The following MXD3 variants were observed in gnomAD, a reference collection of about 807,000 sequenced individuals.
MXD3 encodes the protein Max-associated protein 3.
MXD3 carries 20 observed loss-of-function variants against 27.5 expected under a neutral mutation model. The observed-to-expected ratio is 0.73, with a 90% CI of 0.51 to 1.06. The LOEUF is 1.06. MXD3 is among the 50% of genes least tolerant of loss of function. The pLI is 0.00. For missense variants in MXD3, 298 were observed against 291.3 expected (o/e 1.02, Z -0.17); for synonymous variants, 150 against 130.7 (o/e 1.15, Z -1.01).
downstream of MXD3, chr5:177,306,474 G>A (rs1347069451): frequency 6.8e-6 from 11 of 1,613,918 alleles, no homozygotes; most frequent in African/African-American, 1.3e-5. Flanking sequence ...CCAAGGAGAA[G>A]GCAAAGGAGA....
chr5:177,311,214 G>C, intron 2 of MXD3, 165 bp downstream of exon 2: 3 of 521,514 alleles, frequency 5.8e-6, no homozygotes, highest in South Asian at 5.8e-5. Context: ...TGAATAGAAA[G>C]GTGTGAGTGT....
intron 2 of MXD3, 124 bp downstream of exon 2, chr5:177,311,255 T>G: frequency 1.8e-6 from 1 of 570,688 alleles, no homozygotes; most frequent in Non-Finnish European, 3.0e-6. Context: ...GCAGGAGGGG[T>G]CTGAACGCTT....
Position 177,307,680 on chromosome 5 carries a change from T to C in MXD3, c.529A>G (p.Ser177Gly), listed in dbSNP as rs776334972. The change falls in exon 6 of 6, where the codon AGC becomes GGC. Residue 177 changes from serine to glycine, a missense_variant. Coordinates refer to ENST00000439742, the MANE Select transcript of MXD3 (RefSeq NM_031300.4). ...DQEELEVDVE[S>G]LVFGGEAELL... ...TCGGCCTCACCCCCAAACACCAGGC[T>C]CTCCACATCCACCTCCAGCTCCTCT... 8 of 1,613,588 alleles carry C rather than the reference T, an allele frequency of 5.0e-6. No homozygotes were observed. Among genetic ancestry groups the C allele is most frequent in the Admixed American group, 1.7e-5 (1 of 60,022 alleles).
chr5:177,311,238 G>T, intron 2 of MXD3, 141 bp downstream of exon 2: 2 of 536,574 alleles, frequency 3.7e-6, no homozygotes, highest in Non-Finnish European at 3.3e-6. Flanking sequence ...TGGAGAGTGG[G>T]GAGATGGCAG....
Position 177,307,574 on chromosome 5 carries a change from C to T in MXD3, c.*14G>A, listed in dbSNP as rs1760915683. 1 of 1,611,454 alleles carries T rather than the reference C, an allele frequency of 6.2e-7. No individual in the cohort carries two copies. The highest frequency in any genetic ancestry group is 1.7e-5 in the Admixed American group (1 of 59,930). On this transcript the variant is annotated 3_prime_UTR_variant, in exon 6 of 6. Transcript: ENST00000439742. ...CACGAGTAGAGGGCAGAGGCCCGCCCTGGGTGAGGAACATCATAGCCAGGC... is the reference window on the plus strand; with the variant it reads ...CACGAGTAGAGGGCAGAGGCCCGCCTTGGGTGAGGAACATCATAGCCAGGC...
Position 177,307,648 on chromosome 5 carries a change from C to T in MXD3, c.561G>A (p.Leu187=). ...GCTCCTGGCCGGCGACGAAGCCCCGCAGCAGCTCGGCCTCACCCCCAAACA... is the reference window on the plus strand; with the variant it reads ...GCTCCTGGCCGGCGACGAAGCCCCGTAGCAGCTCGGCCTCACCCCCAAACA... The part of the protein sequence containing the change: ...SLVFGGEAEL[L]RGFVAGQEHS... The change falls in exon 6 of 6, where the codon CTG becomes CTA. Residue 187 remains leucine (L), a synonymous_variant. Coordinates refer to ENST00000439742, the MANE Select transcript of MXD3 (RefSeq NM_031300.4). 1.2e-6 allele frequency: 2 copies of T among 1,613,518 alleles called. No individual in the cohort carries two copies. The highest frequency in any genetic ancestry group is 2.2e-5 in the South Asian group (2 of 91,086).
rs911384747 is a variant in MXD3, at chr5:177,307,868, G to A, written c.418C>T (p.Leu140=). 6.2e-7 allele frequency: 1 copy of A among 1,608,694 alleles called. No homozygotes were observed. Among genetic ancestry groups the A allele is most frequent in the Non-Finnish European group, 8.5e-7 (1 of 1,178,274 alleles). ...LQRQLEQLRG[L]AGAAERERLR... ...CGCTCCCGCTCGGCCGCCCCTGCCA[G>A]CCCCCGGAGCTGCTCCAGCTGCCGC... Residue 140 remains leucine, a synonymous_variant, in exon 5 of 6, where the codon CTG becomes TTG. Transcript: ENST00000439742.
chr5:177,311,525 A>G, intron 1 of MXD3, 41 bp from the exon 2 acceptor site: 1 of 1,373,582 alleles, frequency 7.3e-7, no homozygotes, highest in South Asian at 1.6e-5. Context: ...CTGGGGCTGG[A>G]CCTGGTCCCA....
At chr5:177,310,584 C>G (rs201511869) in intron 3 of MXD3, 44 bp from the exon 4 acceptor site, 2 of 1,612,120 alleles carry the variant, frequency 1.2e-6, no homozygotes, top group East Asian at 4.5e-5. Context: ...CCCACCTTGC[C>G]GGCCACAGGA....
chr5:177,306,302 GA>G, downstream of MXD3: 1 of 1,567,838 alleles, frequency 6.4e-7, no homozygotes, highest in Non-Finnish European at 8.8e-7. Flanking sequence ...GGGGTGGGAG[GA>G]GGGTGAATAC....
chr5:177,306,835 CTGG>C (rs971930959), downstream of MXD3: 27 of 738,744 alleles, frequency 3.7e-5, no homozygotes, highest in Non-Finnish European at 2.8e-5. Context: ...TGCAGGTTAA[CTGG>C]CGGTAAGTGC....
upstream of MXD3, chr5:177,312,298 GGCCTCCGGCCGCC>G (rs1761057518): frequency 1.0e-6 from 1 of 986,286 alleles, no homozygotes. Context: ...GCGGGGGCGG[GGCCTCCGGCCGCC>G]GCTCGCCCAT....
Position 177,307,216 on chromosome 5 carries a change from AAG to A in MXD3, c.*370_*371del. On this transcript the variant is annotated 3_prime_UTR_variant, in exon 6 of 6. Coordinates refer to ENST00000439742, the MANE Select transcript of MXD3 (RefSeq NM_031300.4). Reference sequence around the variant, plus strand: ...CAAGACTATGGACGGGAAGTTATGAAAGAGGCTTTTAATGAAAATACTGTACA... The same window carrying A: ...CAAGACTATGGACGGGAAGTTATGAAAGGCTTTTAATGAAAATACTGTACA... 6.4e-7 allele frequency: 1 copy of A among 1,551,642 alleles called. No homozygotes were observed. The highest frequency in any genetic ancestry group is 8.7e-7 in the Non-Finnish European group (1 of 1,146,954).
At position 177,311,441 on chromosome 5, in the gene MXD3, T is replaced by C. The variant is rs1761036223; in HGVS notation, c.114A>G (p.Pro38=). 2.8e-6 allele frequency: 4 copies of C among 1,438,570 alleles called. No individual in the cohort carries two copies. Among genetic ancestry groups the C allele is most frequent in the African/African-American group, 3.0e-5 (2 of 66,614 alleles). The allele number at this position is 1,438,570 out of a possible 1,614,324, so 89.1% of individuals were successfully genotyped here. A position where few individuals can be genotyped will look rare whatever the true frequency, so the allele number is the denominator to read the frequency against. ...GCTTCTTCCTCCTGTGGATGGGGCCTGGACTGCGATGCGGGCACAGGGACG... is the reference window on the plus strand; with the variant it reads ...GCTTCTTCCTCCTGTGGATGGGGCCCGGACTGCGATGCGGGCACAGGGACG... ...GYASLCPHRS[P]GPIHRRKKRP... The change falls in exon 2 of 6, where the codon CCA becomes CCG. Residue 38 remains proline, a synonymous_variant. Coordinates refer to ENST00000439742, the MANE Select transcript of MXD3 (RefSeq NM_031300.4).
downstream of MXD3, chr5:177,305,895 T>C: frequency 1.9e-6 from 3 of 1,614,136 alleles, no homozygotes; most frequent in Non-Finnish European, 2.5e-6. Context: ...ATGTGTTTAC[T>C]GTGTGAACTC....
rs554742514 is a variant in MXD3, at chr5:177,310,389, C to G, written c.321+37G>C. On this transcript the variant is annotated intron_variant, in intron 4 of 5. Coordinates refer to ENST00000439742, the MANE Select transcript of MXD3 (RefSeq NM_031300.4). ...CTCCATAGCACAGCCCTCCATACAC[C>G]AGGGCAAGCCAGTCCGGGCGCAGTG... 64 of 1,549,390 alleles carry G rather than the reference C, an allele frequency of 4.1e-5. No homozygotes were observed. The South Asian group carries it at 7.0e-4, about 17-fold the overall frequency.
chr5:177,306,445 G>C, downstream of MXD3: 1 of 1,614,032 alleles, frequency 6.2e-7, no homozygotes, highest in African/African-American at 1.3e-5. Context: ...CAAAACACTT[G>C]TTGAGACAGC....
intron 2 of MXD3, 71 bp from the exon 3 acceptor site, chr5:177,310,768 G>A: frequency 3.2e-6 from 5 of 1,579,856 alleles, no homozygotes; most frequent in Non-Finnish European, 4.3e-6. Flanking sequence ...AGGGCCCCCA[G>A]TGGCTCAAGA....
rs769445436 is a variant in MXD3, at chr5:177,307,830, G to T, written c.456C>A (p.Asp152Glu). ...AGGAGAGGCCTGAGGAGTCCAGACTGTCCGCCCGCAGCCGCTCCCGCTCGG... is the reference window on the plus strand; with the variant it reads ...AGGAGAGGCCTGAGGAGTCCAGACTTTCCGCCCGCAGCCGCTCCCGCTCGG... ...GAAERERLRA[D>E]SLDSSGLSSE... The change falls in exon 5 of 6, where the codon GAC becomes GAA. Residue 152 changes from aspartate to glutamate, a missense_variant. Physicochemically the swap from Asp to Glu is conservative, Grantham distance 45. Transcript: ENST00000439742. 6.2e-7 allele frequency: 1 copy of T among 1,611,944 alleles called. No homozygotes were observed. Among genetic ancestry groups the T allele is most frequent in the Non-Finnish European group, 8.5e-7 (1 of 1,179,560 alleles).
Sources: gnomAD v4.1 joint callset for allele counts on GRCh38, gnomAD v4.1.1 for gene constraint, MANE v1.5 for transcripts, NCBI Gene and HGNC (gene_info 2026-07-23, HGNC 2026-07-21) for gene names.